Variants in ZC3H12B observed in about 807,000 individuals in gnomAD.
The protein encoded by ZC3H12B is zinc finger CCCH-type containing 12B, also known as probable ribonuclease ZC3H12B.
In ZC3H12B, 7 loss-of-function variants were observed where a neutral mutation model predicts 43.9. The ratio of observed to expected loss-of-function variants is 0.16; its 90% CI spans 0.09 to 0.30. The LOEUF (loss-of-function observed/expected upper bound fraction) is 0.30, where lower values mean the gene tolerates loss of function less well. Among genes scored for constraint, ZC3H12B ranks in the 10% least tolerant of loss-of-function variants. The probability of loss-of-function intolerance (pLI) is 1.00; values close to 1 mark genes in which losing one functional copy is unlikely to be tolerated. For missense variants in ZC3H12B, 475 were observed against 670.2 expected (o/e 0.71, Z 3.22); for synonymous variants, 222 against 241.7 (o/e 0.92, Z 0.76).
chrX:65,430,910 G>A (rs1478419279), intron 3 of ZC3H12B, among the ~76,000 whole-genome samples: 1 of 110,985 alleles, frequency 9.0e-6, no homozygotes, highest in African/African-American at 3.3e-5. Flanking sequence ...CAGTCCCAAT[G>A]CAAGAATCAG....
chrX:65,186,305 A>T, the ZC3H12B span: 6 of 109,674 alleles, frequency 5.5e-5, no homozygotes, highest in Non-Finnish European at 7.6e-5. Flanking sequence ...CAGCCTGGCC[A>T]ACATGGTGAA....
the ZC3H12B span, among the ~76,000 whole-genome samples, chrX:65,206,870 G>C: frequency 6.3e-5 from 7 of 110,972 alleles, no homozygotes; most frequent in Admixed American, 6.8e-4. Flanking sequence ...ATTTGCAAAA[G>C]AAGATATAGC....
At chrX:65,146,130 T>G in the ZC3H12B span, among the ~76,000 whole-genome samples, 19 of 111,365 alleles carry the variant, frequency 1.7e-4, no homozygotes, top group African/African-American at 6.2e-4. Context: ...ATTTTTAGGT[T>G]TGGTCATTTA....
the ZC3H12B span, among the ~76,000 whole-genome samples, chrX:65,119,079 T>C: frequency 9.0e-6 from 1 of 111,224 alleles, no homozygotes; most frequent in East Asian, 2.8e-4. Flanking sequence ...TTCCAAGTCT[T>C]TGCTATTGTG....
At chrX:65,365,467 A>G (rs1033715038), upstream of ZC3H12B, among the ~76,000 whole-genome samples, 2 of 110,768 alleles carry the variant, frequency 1.8e-5, no homozygotes, top group African/African-American at 3.3e-5. Flanking sequence ...ACCCCACAAT[A>G]TCACCCCTTA....
chrX:65,160,738 G>A, the ZC3H12B span, among the ~76,000 whole-genome samples: 1 of 111,284 alleles, frequency 9.0e-6, no homozygotes, highest in African/African-American at 3.3e-5. Context: ...TTTTTTGAAG[G>A]GTTTTTTGTG....
the ZC3H12B span, among the ~76,000 whole-genome samples, chrX:65,078,826 A>T: frequency 7.1e-5 from 8 of 112,102 alleles, no homozygotes; most frequent in Admixed American, 7.5e-4. Context: ...CACATCATGG[A>T]AAATAGGTCA....
the ZC3H12B span, among the ~76,000 whole-genome samples, chrX:65,056,990 G>T: frequency 1.3e-4 from 15 of 111,826 alleles, no homozygotes; most frequent in Non-Finnish European, 2.6e-4. Flanking sequence ...CTCTGCATGT[G>T]AGATGGGTCT....
intron 1 of ZC3H12B, among the ~76,000 whole-genome samples, chrX:65,492,194 G>A (rs1431614430): frequency 9.0e-6 from 1 of 111,486 alleles, no homozygotes; most frequent in African/African-American, 3.3e-5. Flanking sequence ...AGTTAAGGTT[G>A]AGAAGAACCT....
the ZC3H12B span, among the ~76,000 whole-genome samples, chrX:65,224,828 G>A: frequency 1.8e-5 from 2 of 112,066 alleles, no homozygotes; most frequent in East Asian, 2.8e-4. Flanking sequence ...GGGGAAGGGT[G>A]CCCGCCATTG....
chrX:65,386,662 TG>T (rs1319585323), intron 2 of ZC3H12B, among the ~76,000 whole-genome samples: 6 of 111,799 alleles, frequency 5.4e-5, no homozygotes, highest in African/African-American at 1.6e-4. Context: ...CTGCTCTGAC[TG>T]TAGTTATTTC....
chrX:65,301,760 G>A, the ZC3H12B span, among the ~76,000 whole-genome samples: 3 of 111,035 alleles, frequency 2.7e-5, no homozygotes, highest in Admixed American at 9.6e-5. Context: ...AGTGTACATC[G>A]CTCTGGTGAT....
chrX:65,174,738 G>A, the ZC3H12B span, among the ~76,000 whole-genome samples: 1 of 111,337 alleles, frequency 9.0e-6, no homozygotes, highest in East Asian at 2.8e-4. Context: ...AAGCTCAATT[G>A]TTCCAAGTTG....
intron 3 of ZC3H12B, among the ~76,000 whole-genome samples, chrX:65,454,755 G>A (rs1482707103): frequency 1.8e-5 from 2 of 111,189 alleles, no homozygotes; most frequent in African/African-American, 6.6e-5. Context: ...CACCTCACAT[G>A]GCCGGGTACT....
At chrX:65,106,753 A>G in the ZC3H12B span, among the ~76,000 whole-genome samples, 2 of 111,548 alleles carry the variant, frequency 1.8e-5, no homozygotes, top group Admixed American at 9.6e-5. Context: ...CAGTTTGGTG[A>G]ATAATAGTAA....
At chrX:65,406,796 C>T (rs1398975542) in intron 3 of ZC3H12B, among the ~76,000 whole-genome samples, 1 of 112,344 alleles carries the variant, frequency 8.9e-6, no homozygotes, top group Non-Finnish European at 1.9e-5. Flanking sequence ...CGGAGGCAGC[C>T]GACTGCGCCA....
the ZC3H12B span, among the ~76,000 whole-genome samples, chrX:65,112,573 A>G: frequency 8.9e-6 from 1 of 111,905 alleles, no homozygotes; most frequent in Non-Finnish European, 1.9e-5. Context: ...CTCATTTACC[A>G]TTCTAAAATC....
the ZC3H12B span, among the ~76,000 whole-genome samples, chrX:65,141,583 C>A: frequency 3.0e-4 from 33 of 109,180 alleles, no homozygotes; most frequent in South Asian, 0.012. Flanking sequence ...TGAGTAAGTT[C>A]TTTAGTGATG....
At chrX:65,376,406 C>T (rs997748665) in intron 2 of ZC3H12B, among the ~76,000 whole-genome samples, 1 of 111,439 alleles carries the variant, frequency 9.0e-6, no homozygotes, top group African/African-American at 3.3e-5. Flanking sequence ...AATTGTAGTG[C>T]CCTCTGGCCT....
Sources: gnomAD v4.1 joint callset for allele counts (sites outside exome capture counted in the v4.1 genomes callset) on GRCh38, gnomAD v4.1.1 for gene constraint, MANE v1.5 for transcripts, NCBI Gene and HGNC (gene_info 2026-07-23, HGNC 2026-07-21) for gene names.